PIP5K1B: variants seen among roughly 807,000 people sequenced by gnomAD.
PIP5K1B encodes phosphatidylinositol-4-phosphate 5-kinase type 1 beta, also known as phosphatidylinositol 4-phosphate 5-kinase type-1 beta.
Under a neutral mutation model 67.0 loss-of-function variants are expected in PIP5K1B, and 42 were observed. The observed-to-expected ratio is 0.63, with a 90% CI of 0.49 to 0.81. PIP5K1B has a LOEUF of 0.81. Ranked by LOEUF, PIP5K1B falls within the 30% of genes least tolerant of loss-of-function variation. The probability of loss-of-function intolerance (pLI) is 0.00; values close to 1 mark genes in which losing one functional copy is unlikely to be tolerated. For synonymous variants in PIP5K1B, 214 were observed against 231.4 expected, an observed-to-expected ratio of 0.92 and a Z score of 0.68; for missense variants, 459 against 646.3, an observed-to-expected ratio of 0.71 and a Z score of 3.14.
chr9:68,868,829 G>C (rs976815493), intron 5 of PIP5K1B, among the ~76,000 whole-genome samples: 30 of 152,150 alleles, frequency 2.0e-4, no homozygotes, highest in African/African-American at 6.8e-4. Context: ...CTCTTCACTT[G>C]TAAAACAGGA....
chr9:68,871,035 C>T (rs1310086852), intron 5 of PIP5K1B, among the ~76,000 whole-genome samples: 1 of 152,232 alleles, frequency 6.6e-6, no homozygotes, highest in Non-Finnish European at 1.5e-5. Context: ...CCACATCTCT[C>T]AGTCCAGTGC....
chr9:68,946,676 G>A (rs1459523989), intron 14 of PIP5K1B, among the ~76,000 whole-genome samples: 4 of 152,290 alleles, frequency 2.6e-5, no homozygotes, highest in East Asian at 3.9e-4. Context: ...TTACAGGCAT[G>A]AGCCACCACG....
intron 4 of PIP5K1B, among the ~76,000 whole-genome samples, chr9:68,835,135 G>T (rs1407367098): frequency 3.9e-5 from 6 of 152,200 alleles, no homozygotes; most frequent in African/African-American, 1.4e-4. Flanking sequence ...GATTGTTCAG[G>T]TTTGCTATTT....
At chr9:68,733,900 C>T (rs758779252) in intron 1 of PIP5K1B, among the ~76,000 whole-genome samples, 7 of 151,964 alleles carry the variant, frequency 4.6e-5, no homozygotes, top group South Asian at 2.1e-4. Context: ...GGCCTCCCAA[C>T]GTGCTGGGAT....
At chr9:68,826,133 G>A (rs550634662) in intron 4 of PIP5K1B, among the ~76,000 whole-genome samples, 6 of 152,344 alleles carry the variant, frequency 3.9e-5, no homozygotes, top group African/African-American at 1.4e-4. Flanking sequence ...GATTTTAGCT[G>A]CATAAAACAA....
chr9:68,902,919 G>C (rs1825434211), intron 8 of PIP5K1B, among the ~76,000 whole-genome samples: 1 of 152,188 alleles, frequency 6.6e-6, no homozygotes, highest in South Asian at 2.1e-4. Context: ...GTGGTGAAAA[G>C]AAAGCGGAAA....
intron 12 of PIP5K1B, among the ~76,000 whole-genome samples, chr9:68,929,949 T>A (rs754873491): frequency 1.3e-5 from 2 of 152,174 alleles, no homozygotes; most frequent in African/African-American, 2.4e-5. Flanking sequence ...GGATTACAGG[T>A]GTGAGCCACC....
chr9:68,964,567 A>G (rs1828922901), intron 14 of PIP5K1B, among the ~76,000 whole-genome samples: 1 of 152,248 alleles, frequency 6.6e-6, no homozygotes, highest in Non-Finnish European at 1.5e-5. Context: ...TGAGCCTGGC[A>G]TGTCAGCTCA....
intron 4 of PIP5K1B, among the ~76,000 whole-genome samples, chr9:68,859,133 C>T (rs768006414): frequency 6.6e-6 from 1 of 152,302 alleles, no homozygotes; most frequent in Non-Finnish European, 1.5e-5. Flanking sequence ...CCTGGAGCCA[C>T]GGTTTCCTTA....
intron 4 of PIP5K1B, among the ~76,000 whole-genome samples, chr9:68,827,696 G>A (rs1834061132): frequency 6.6e-6 from 1 of 152,132 alleles, no homozygotes; most frequent in African/African-American, 2.4e-5. Context: ...GAATATTTTT[G>A]AAAAGAAAAT....
intron 4 of PIP5K1B, among the ~76,000 whole-genome samples, chr9:68,829,922 A>C (rs2132103553): frequency 6.6e-6 from 1 of 152,268 alleles, no homozygotes; most frequent in East Asian, 1.9e-4. Context: ...GGGACGGAGC[A>C]CTGGATTCCC....
chr9:68,710,923 T>C (rs1307104311), intron 1 of PIP5K1B, among the ~76,000 whole-genome samples: 3 of 152,204 alleles, frequency 2.0e-5, no homozygotes, highest in Non-Finnish European at 4.4e-5. Flanking sequence ...ATATAAAGCA[T>C]TGAGGGTTTG....
intron 4 of PIP5K1B, among the ~76,000 whole-genome samples, chr9:68,861,858 G>A (rs1159483886): frequency 1.3e-5 from 2 of 151,914 alleles, no homozygotes; most frequent in Admixed American, 1.3e-4. Context: ...GCTCCGAGAG[G>A]GAGCATTAAA....
At chr9:68,845,249 T>C (rs1822128958) in intron 4 of PIP5K1B, among the ~76,000 whole-genome samples, 1 of 152,156 alleles carries the variant, frequency 6.6e-6, no homozygotes, top group South Asian at 2.1e-4. Context: ...TGTCTGTCCA[T>C]GTTTGTAAAT....
chr9:68,714,813 AG>A (rs1446500500), intron 1 of PIP5K1B, among the ~76,000 whole-genome samples: 1 of 151,772 alleles, frequency 6.6e-6, no homozygotes, highest in Non-Finnish European at 1.5e-5. Flanking sequence ...GTGTAGCTCT[AG>A]GGACTTGCCC....
intron 1 of PIP5K1B, among the ~76,000 whole-genome samples, chr9:68,741,894 G>A (rs567079532): frequency 3.2e-4 from 49 of 152,244 alleles, no homozygotes; most frequent in Admixed American, 1.1e-3. Flanking sequence ...TGTTGGGGGT[G>A]GGGAGAACCA....
intron 2 of PIP5K1B, among the ~76,000 whole-genome samples, chr9:68,746,172 G>T (rs770765552): frequency 6.8e-6 from 1 of 147,622 alleles, no homozygotes; most frequent in African/African-American, 2.5e-5. Context: ...TCCACCTCCC[G>T]GGTTCATGCT....
chr9:68,949,726 G>A (rs1444345646), intron 14 of PIP5K1B, among the ~76,000 whole-genome samples: 3 of 152,136 alleles, frequency 2.0e-5, no homozygotes, highest in South Asian at 2.1e-4. Context: ...TATGTGAATC[G>A]GGCAGCCCCC....
chr9:68,752,934 A>G (rs1166297008), intron 2 of PIP5K1B, among the ~76,000 whole-genome samples: 1 of 152,240 alleles, frequency 6.6e-6, no homozygotes, highest in Non-Finnish European at 1.5e-5. Context: ...GGCTGTTGGC[A>G]TGCTAAGATA....
Sources: allele counts gnomAD v4.1 joint callset (sites outside exome capture counted in the v4.1 genomes callset), GRCh38; gene constraint gnomAD v4.1.1; transcripts MANE v1.5; gene names NCBI Gene and HGNC (gene_info 2026-07-23, HGNC 2026-07-21).